Variants in RFX3 observed in about 807,000 individuals in gnomAD.
The protein encoded by RFX3 is regulatory factor X3, also known as transcription factor RFX3.
In RFX3, 14 loss-of-function variants were observed where a neutral mutation model predicts 98.6. The observed-to-expected ratio is 0.14, with a 90% CI of 0.09 to 0.22. The LOEUF is 0.22. Among genes scored for constraint, RFX3 ranks in the 10% least tolerant of loss-of-function variants. RFX3 has a pLI of 1.00. For missense variants in RFX3, 639 were observed against 926.9 expected (o/e 0.69, Z 4.03); for synonymous variants, 383 against 328.4 (o/e 1.17, Z -1.80).
intron 2 of RFX3, among the ~76,000 whole-genome samples, chr9:3,376,828 C>G (rs568451567): frequency 6.6e-6 from 1 of 152,164 alleles, no homozygotes; most frequent in Non-Finnish European, 1.5e-5. Context: ...ATGCAGCCAA[C>G]AGACACATGA....
At chr9:3,511,669 C>T (rs1355225509) in intron 1 of RFX3, among the ~76,000 whole-genome samples, 1 of 152,004 alleles carries the variant, frequency 6.6e-6, no homozygotes, top group Non-Finnish European at 1.5e-5. Context: ...AATATACCCA[C>T]AAACAAAGTT....
chr9:3,452,889 CAGG>C (rs1222491375), intron 1 of RFX3, among the ~76,000 whole-genome samples: 4 of 152,132 alleles, frequency 2.6e-5, no homozygotes, highest in Non-Finnish European at 5.9e-5. Flanking sequence ...AGCATGGCTC[CAGG>C]AGATTAGACT....
rs1817195597 is a variant in RFX3, at chr9:3,218,734, C to T, written c.*6308G>A. 3 of 152,138 alleles carry T rather than the reference C, an allele frequency of 2.0e-5. No individual in the cohort carries two copies. The highest frequency in any genetic ancestry group is 4.4e-5 in the Non-Finnish European group (3 of 68,002). The allele number at this position is 152,138 out of a possible 1,614,324, so 9.4% of individuals were successfully genotyped here. On this transcript the variant is annotated 3_prime_UTR_variant, in exon 17 of 17. Transcript: ENST00000617270. ...GTCCAAAAACTGGAAAAGAACATTACATTATCTCACACATACAATCTCTAC... is the reference window on the plus strand; with the variant it reads ...GTCCAAAAACTGGAAAAGAACATTATATTATCTCACACATACAATCTCTAC...
chr9:3,227,753 A>T (rs760804174), intron 16 of RFX3, among the ~76,000 whole-genome samples: 1 of 152,210 alleles, frequency 6.6e-6, no homozygotes, highest in Non-Finnish European at 1.5e-5. Context: ...AATTAATATC[A>T]TCATTGACTT....
chr9:3,248,035 G>A lies in RFX3; in HGVS notation c.1965C>T (p.Gly655=), dbSNP rs142365736. The A allele has an allele frequency of 7.1e-4, 1,150 of 1,613,822 alleles. 2 individuals carry two copies. The highest frequency in any genetic ancestry group is 8.7e-4 in the Non-Finnish European group (1,024 of 1,179,908). ...CAGCTCTTTCAGCCTCTCTTACCTC[G>A]CCCATGACTGCTATAGGAGTCTCTC... ...ATGETPIAVM[G]EFGDLNAVSP... Residue 655 remains glycine (G), a synonymous_variant, in exon 15 of 17, where the codon GGC becomes GGT. Transcript: ENST00000617270.
At chr9:3,284,560 T>C (rs1368968185) in intron 7 of RFX3, among the ~76,000 whole-genome samples, 2 of 151,686 alleles carry the variant, frequency 1.3e-5, no homozygotes, top group Admixed American at 6.6e-5. Context: ...ATGCCATCAA[T>C]ATGCAAAGCA....
chr9:3,482,968 C>T (rs1849922556), intron 1 of RFX3, among the ~76,000 whole-genome samples: 1 of 152,142 alleles, frequency 6.6e-6, no homozygotes, highest in African/African-American at 2.4e-5. Flanking sequence ...GTAGACTATC[C>T]ACAACCAATC....
intron 4 of RFX3, 47 bp downstream of exon 4, chr9:3,330,212 G>C: frequency 6.3e-7 from 1 of 1,593,300 alleles, no homozygotes; most frequent in Non-Finnish European, 8.6e-7. Flanking sequence ...ATGTTCATTA[G>C]AGACTATTAA....
chr9:3,269,533 T>C (rs1387059163), intron 11 of RFX3, among the ~76,000 whole-genome samples: 1 of 152,160 alleles, frequency 6.6e-6, no homozygotes, highest in Non-Finnish European at 1.5e-5. Flanking sequence ...CACTACTGTG[T>C]ACTCATATAG....
chr9:3,277,471 T>A lies in RFX3; in HGVS notation c.852-10A>T. 6.2e-7 allele frequency: 1 copy of A among 1,609,826 alleles called. No individual in the cohort carries two copies. The highest frequency in any genetic ancestry group is 8.5e-7 in the Non-Finnish European group (1 of 1,177,336). On this transcript the variant is annotated splice_polypyrimidine_tract_variant and intron_variant, in intron 7 of 16. Transcript: ENST00000617270. ...CTGCATAGGCTTGTACCTAAAAATA[T>A]TAGATGGAAAAAAACAAATAAACCA...
intron 1 of RFX3, among the ~76,000 whole-genome samples, chr9:3,518,877 T>A (rs1031709452): frequency 2.0e-5 from 3 of 152,194 alleles, no homozygotes; most frequent in Non-Finnish European, 4.4e-5. Flanking sequence ...GGTACACAAG[T>A]AGTAACCTCA....
At chr9:3,513,580 CACATTTT>C (rs1210384908) in intron 1 of RFX3, among the ~76,000 whole-genome samples, 1 of 152,136 alleles carries the variant, frequency 6.6e-6, no homozygotes, top group African/African-American at 2.4e-5. Flanking sequence ...ATTAACAAAA[CACATTTT>C]AATAGAGAGG....
intron 15 of RFX3, among the ~76,000 whole-genome samples, chr9:3,245,352 A>C (rs568290927): frequency 6.6e-6 from 1 of 152,298 alleles, no homozygotes; most frequent in African/African-American, 2.4e-5. Context: ...AGAACAGAGA[A>C]AAGGCCACTG....
At chr9:3,488,988 G>T in intron 1 of RFX3, 1 of 553,000 alleles carries the variant, frequency 1.8e-6, no homozygotes, top group Non-Finnish European at 2.3e-6. Context: ...ATCTTTGATT[G>T]AAACAACATG....
At chr9:3,404,525 G>A (rs764721422) in intron 1 of RFX3, among the ~76,000 whole-genome samples, 1 of 152,012 alleles carries the variant, frequency 6.6e-6, no homozygotes, top group African/African-American at 2.4e-5. Flanking sequence ...TTGGTATGAA[G>A]CATTTTCTTG....
Position 3,330,316 on chromosome 9 carries a change from G to A in RFX3, c.417C>T (p.Asn139=), listed in dbSNP as rs775256615. 1 of 1,614,014 alleles carries A rather than the reference G, an allele frequency of 6.2e-7. No individual in the cohort carries two copies. The highest frequency in any genetic ancestry group is 8.5e-7 in the Non-Finnish European group (1 of 1,180,016). ...SSSGGTYLIG[N]SMENSGHSVT... ...CTGAGTGACCAGAATTCTCCATTGA[G>A]TTGCCGATCAGATAGGTTCCTCCAG... The change falls in exon 4 of 17, where the codon AAC becomes AAT. Residue 139 remains asparagine, a synonymous_variant. Coordinates refer to ENST00000617270, the MANE Select transcript of RFX3 (RefSeq NM_001282116.2).
intron 7 of RFX3, among the ~76,000 whole-genome samples, chr9:3,281,552 AAAT>A (rs1324640681): frequency 2.0e-5 from 3 of 151,796 alleles, no homozygotes; most frequent in Non-Finnish European, 4.4e-5. Context: ...GTGCTTTATC[AAAT>A]AATGAAACAG....
chr9:3,235,909 G>A (rs1819090048), intron 15 of RFX3, among the ~76,000 whole-genome samples: 1 of 152,038 alleles, frequency 6.6e-6, no homozygotes, highest in East Asian at 1.9e-4. Context: ...AGGTTCCAGG[G>A]ATTAAGATGT....
At chr9:3,465,635 A>G (rs1242022664) in intron 1 of RFX3, among the ~76,000 whole-genome samples, 2 of 152,036 alleles carry the variant, frequency 1.3e-5, no homozygotes, top group Non-Finnish European at 2.9e-5. Context: ...TACAAGTTCA[A>G]TGAAAATATC....
Sources: gnomAD v4.1 joint callset for allele counts (sites outside exome capture counted in the v4.1 genomes callset) on GRCh38, gnomAD v4.1.1 for gene constraint, MANE v1.5 for transcripts, NCBI Gene and HGNC (gene_info 2026-07-23, HGNC 2026-07-21) for gene names.